Variants in KCTD9 observed in about 807,000 individuals in gnomAD.
The protein encoded by KCTD9 is potassium channel tetramerization domain containing 9.
Under a neutral mutation model 53.3 loss-of-function variants are expected in KCTD9, and 17 were observed. That is an observed-to-expected ratio of 0.32 (90% confidence interval 0.22 to 0.48). KCTD9 has a LOEUF of 0.48. Among genes scored for constraint, KCTD9 ranks in the 20% least tolerant of loss-of-function variants. KCTD9 has a pLI of 0.99. For synonymous variants in KCTD9, 128 were observed against 162.7 expected (o/e 0.79, Z 1.62); for missense variants, 179 against 465.5 (o/e 0.38, Z 5.66).
At chr8:25,444,404 A>T in intron 2 of KCTD9, 69 bp from the exon 3 acceptor site, 3 of 1,411,866 alleles carry the variant, frequency 2.1e-6, no homozygotes, top group Non-Finnish European at 3.0e-6. Flanking sequence ...TGTTGCTTAT[A>T]GGAACTATTC....
intron 3 of KCTD9, among the ~76,000 whole-genome samples, chr8:25,442,349 A>C (rs947213162): frequency 2.6e-5 from 4 of 152,184 alleles, no homozygotes; most frequent in Non-Finnish European, 5.9e-5. Flanking sequence ...TTTGAGACCA[A>C]CACCTCAGGC....
At chr8:25,442,472 A>G (rs1802141146) in intron 3 of KCTD9, among the ~76,000 whole-genome samples, 1 of 152,236 alleles carries the variant, frequency 6.6e-6, no homozygotes, top group East Asian at 1.9e-4. Context: ...TACACATACT[A>G]AAGTTTATAA....
chr8:25,435,230 A>G, intron 9 of KCTD9, 133 bp downstream of exon 9: 2 of 579,456 alleles, frequency 3.5e-6, no homozygotes, highest in Non-Finnish European at 5.6e-6. Flanking sequence ...GTCTTATATC[A>G]ACATAATAAA....
At position 25,436,414 on chromosome 8, in the gene KCTD9, T is replaced by A. The variant is rs1563245821; in HGVS notation, c.567+4A>T. The A allele has an allele frequency of 6.2e-7, 1 of 1,610,488 alleles. No individual in the cohort carries two copies. The highest frequency in any genetic ancestry group is 1.3e-5 in the African/African-American group (1 of 74,920). On this transcript the variant is annotated splice_donor_region_variant and intron_variant, in intron 7 of 11. Transcript: ENST00000221200. ...AACACTGGCTAATGTAAAAACAGGC[T>A]TACCTTTATTGCCACTTCTAGGTGT...
intron 2 of KCTD9, among the ~76,000 whole-genome samples, 197 bp from the exon 3 acceptor site, chr8:25,444,532 A>C (rs1369856886): frequency 6.6e-6 from 1 of 152,156 alleles, no homozygotes; most frequent in East Asian, 1.9e-4. Flanking sequence ...TTCAAAAATA[A>C]GATCTTGCAC....
chr8:25,449,820 G>GA (rs762163345), intron 1 of KCTD9, among the ~76,000 whole-genome samples: 9,499 of 136,690 alleles, frequency 0.069, 373 homozygotes, highest in South Asian at 0.11. Flanking sequence ...TTAAAGAGCA[G>GA]AAAAAAAAAA....
chr8:25,440,535 T>G (rs767334387), intron 4 of KCTD9, 42 bp downstream of exon 4: 1 of 1,267,450 alleles, frequency 7.9e-7, no homozygotes, highest in South Asian at 1.2e-5. Flanking sequence ...ACACAGTGCT[T>G]CTTTTGCATT....
chr8:25,458,117 A>T, intron 1 of KCTD9, 82 bp downstream of exon 1: 1 of 1,373,870 alleles, frequency 7.3e-7, no homozygotes, highest in South Asian at 1.3e-5. Flanking sequence ...ACCCAACTTC[A>T]CCGCTGCCCC....
chr8:25,449,980 AC>A (rs1286339922), intron 1 of KCTD9, among the ~76,000 whole-genome samples: 2 of 152,170 alleles, frequency 1.3e-5, no homozygotes, highest in Admixed American at 6.5e-5. Context: ...TTTCTTCCCC[AC>A]TGAAGTCAAA....
At chr8:25,448,747 T>C (rs1670832737) in intron 1 of KCTD9, among the ~76,000 whole-genome samples, 1 of 151,990 alleles carries the variant, frequency 6.6e-6, no homozygotes, top group Non-Finnish European at 1.5e-5. Flanking sequence ...AAACCCCATC[T>C]CTACTAAAAT....
chr8:25,434,333 C>G (rs1434480457), intron 9 of KCTD9, among the ~76,000 whole-genome samples: 1 of 152,160 alleles, frequency 6.6e-6, no homozygotes, highest in Non-Finnish European at 1.5e-5. Context: ...CTCAAGTGAT[C>G]TGCCTGCCTC....
rs1801878279 is a variant in KCTD9, at chr8:25,428,591, T to TA, written c.*1265dup. ...GGACACCAAGTCATTGGTAGGGAGGTACAGGCCCTTCCTCTGCTGCTGCAG... is the reference window on the plus strand; with the variant it reads ...GGACACCAAGTCATTGGTAGGGAGGTAACAGGCCCTTCCTCTGCTGCTGCAG... On this transcript the variant is annotated 3_prime_UTR_variant, in exon 12 of 12. Transcript: ENST00000221200. The TA allele has an allele frequency of 6.6e-6, 1 of 152,210 alleles. No homozygotes were observed. The highest frequency in any genetic ancestry group is 2.4e-5 in the African/African-American group (1 of 41,302). The allele number at this position is 152,210 out of a possible 1,614,324, so 9.4% of individuals were successfully genotyped here.
chr8:25,436,765 A>C (rs1226133615), intron 6 of KCTD9, among the ~76,000 whole-genome samples: 1 of 151,854 alleles, frequency 6.6e-6, no homozygotes, highest in Non-Finnish European at 1.5e-5. Flanking sequence ...ATACTAAAAG[A>C]GCTTTCATTT....
chr8:25,428,480 G>T lies in KCTD9; in HGVS notation c.*1377C>A, dbSNP rs1801876597. 6.6e-6 allele frequency: 1 copy of T among 152,424 alleles called. No individual in the cohort carries two copies. The highest frequency in any genetic ancestry group is 6.6e-5 in the Admixed American group (1 of 15,240). The allele number at this position is 152,424 out of a possible 1,614,324, so 9.4% of individuals were successfully genotyped here. On this transcript the variant is annotated 3_prime_UTR_variant, in exon 12 of 12. Transcript: ENST00000221200. ...AAAGGAGACACAGGTGGTTTTCAAT[G>T]ATTCCTTGCCTCATGTTGATGAGTC...
At chr8:25,454,253 A>G (rs927875654) in intron 1 of KCTD9, among the ~76,000 whole-genome samples, 1 of 152,246 alleles carries the variant, frequency 6.6e-6, no homozygotes, top group African/African-American at 2.4e-5. Flanking sequence ...GAATGAAAAC[A>G]CGGTACAGAA....
chr8:25,449,109 G>A (rs1262548442), intron 1 of KCTD9, among the ~76,000 whole-genome samples: 1 of 152,170 alleles, frequency 6.6e-6, no homozygotes, highest in Non-Finnish European at 1.5e-5. Context: ...AGAGCATGAA[G>A]AGAGTAAAGA....
intron 6 of KCTD9, among the ~76,000 whole-genome samples, chr8:25,438,402 A>G (rs1802059485): frequency 6.6e-6 from 1 of 152,190 alleles, no homozygotes; most frequent in African/African-American, 2.4e-5. Flanking sequence ...TTCACTACAG[A>G]AACTGTAAGC....
At chr8:25,457,474 C>A in intron 1 of KCTD9, 2 of 565,056 alleles carry the variant, frequency 3.5e-6, no homozygotes, top group Non-Finnish European at 4.5e-6. Flanking sequence ...GAACACTGAG[C>A]ACCACACTCT....
At chr8:25,434,683 C>T (rs1204479863) in intron 9 of KCTD9, among the ~76,000 whole-genome samples, 1 of 152,004 alleles carries the variant, frequency 6.6e-6, no homozygotes, top group Non-Finnish European at 1.5e-5. Flanking sequence ...GAGTAAAACC[C>T]AAATTAGAGT....
Sources: allele counts gnomAD v4.1 joint callset (sites outside exome capture counted in the v4.1 genomes callset), GRCh38; gene constraint gnomAD v4.1.1; transcripts MANE v1.5; gene names NCBI Gene and HGNC (gene_info 2026-07-23, HGNC 2026-07-21).